Variants in KIAA1755 observed in about 807,000 individuals in gnomAD.
The protein encoded by KIAA1755 is uncharacterized protein KIAA1755.
KIAA1755 carries 68 observed loss-of-function variants against 91.7 expected under a neutral mutation model. The observed-to-expected ratio is 0.74, with a 90% CI of 0.61 to 0.91. The LOEUF is 0.91. Ranked by LOEUF, KIAA1755 falls within the 40% of genes least tolerant of loss-of-function variation. The pLI, the probability that KIAA1755 is intolerant of heterozygous loss-of-function variation, is 0.00. For missense variants in KIAA1755, 1,535 were observed against 1,494.4 expected, an observed-to-expected ratio of 1.03 and a Z score of -0.45; for synonymous variants, 610 against 604.6, an observed-to-expected ratio of 1.01 and a Z score of -0.13.
chr20:38,260,640 A>G lies in KIAA1755; in HGVS notation c.-140T>C, dbSNP rs751270349. 3.4e-4 allele frequency: 341 copies of G among 1,016,166 alleles called. 1 individual carries two copies. Among genetic ancestry groups the G allele is most frequent in the Non-Finnish European group, 4.2e-4 (323 of 767,286 alleles). 62.9% of individuals were successfully genotyped at this position (1,016,166 alleles called of 1,614,324 possible). A position where few individuals can be genotyped will look rare whatever the true frequency, so the allele number is the denominator to read the frequency against. On this transcript the variant is annotated 5_prime_UTR_variant, in exon 1 of 14. Transcript: ENST00000279024. ...GGGATAGGGCAGGCCCGGGGCACCG[A>G]CCCCGGCGTCATCTCGGAGGAGCGG...
intron 10 of KIAA1755, among the ~76,000 whole-genome samples, chr20:38,220,678 G>A (rs867976605): frequency 1.3e-5 from 2 of 152,148 alleles, no homozygotes; most frequent in Admixed American, 6.5e-5. Flanking sequence ...GAGAACCAGC[G>A]CTCATGCGTG....
chr20:38,249,317 C>T (rs1042193767), intron 1 of KIAA1755, among the ~76,000 whole-genome samples: 2 of 152,186 alleles, frequency 1.3e-5, no homozygotes, highest in Admixed American at 1.3e-4. Flanking sequence ...CCAGGTCCAC[C>T]TGTTGCCCAG....
intron 4 of KIAA1755, among the ~76,000 whole-genome samples, chr20:38,235,202 G>C (rs953588257): frequency 2.0e-5 from 3 of 152,200 alleles, no homozygotes; most frequent in Non-Finnish European, 2.9e-5. Flanking sequence ...GGATTTCAAA[G>C]ATCTATATGG....
At chr20:38,232,621 C>G (rs1203287657) in intron 4 of KIAA1755, among the ~76,000 whole-genome samples, 1 of 139,990 alleles carries the variant, frequency 7.1e-6, no homozygotes, top group African/African-American at 2.7e-5. Context: ...GAGTGAGACT[C>G]TGTCTCAGAA....
chr20:38,226,840 G>A (rs1171385699), intron 7 of KIAA1755, among the ~76,000 whole-genome samples: 1 of 152,174 alleles, frequency 6.6e-6, no homozygotes, highest in Non-Finnish European at 1.5e-5. Flanking sequence ...TGAAAACAAA[G>A]GGAGGAGGGA....
At chr20:38,239,840 C>T (rs2076023146) in intron 3 of KIAA1755, 115 bp from the exon 4 acceptor site, 2 of 985,896 alleles carry the variant, frequency 2.0e-6, no homozygotes, top group Admixed American at 4.1e-5. Flanking sequence ...ATTGATCTCT[C>T]CCATGTGCCA....
chr20:38,217,152 A>G, intron 13 of KIAA1755, 101 bp downstream of exon 13: 1 of 1,007,746 alleles, frequency 9.9e-7, no homozygotes, highest in Admixed American at 2.1e-5. Context: ...GGCGGTGTCT[A>G]TGCAGTCAGG....
intron 1 of KIAA1755, among the ~76,000 whole-genome samples, chr20:38,256,766 G>A (rs1600667891): frequency 2.0e-5 from 3 of 152,158 alleles, no homozygotes; most frequent in African/African-American, 7.2e-5. Context: ...TCATACCACT[G>A]TACTCCATCC....
At chr20:38,233,172 T>C (rs565906399) in intron 4 of KIAA1755, 1 of 152,302 alleles carries the variant, frequency 6.6e-6, no homozygotes, top group South Asian at 2.1e-4. Flanking sequence ...TTGTGATTAT[T>C]AGGGAACACA....
chr20:38,224,356 A>G (rs1390260102), intron 8 of KIAA1755, among the ~76,000 whole-genome samples: 1 of 152,182 alleles, frequency 6.6e-6, no homozygotes, highest in Non-Finnish European at 1.5e-5. Flanking sequence ...GGAAGCTAGG[A>G]CCCTGGGGGA....
At chr20:38,213,817 C>T in intron 13 of KIAA1755, 74 bp from the exon 14 acceptor site, 3 of 1,092,776 alleles carry the variant, frequency 2.7e-6, no homozygotes, top group Non-Finnish European at 3.8e-6. Context: ...TTAATAAGTG[C>T]CCAATGCCAG....
chr20:38,235,118 T>C (rs2084043887), intron 4 of KIAA1755, among the ~76,000 whole-genome samples: 1 of 152,026 alleles, frequency 6.6e-6, no homozygotes, highest in Admixed American at 6.5e-5. Context: ...AAAAGCATTT[T>C]TTCATATCAA....
chr20:38,229,049 G>A (rs976986013), intron 5 of KIAA1755, among the ~76,000 whole-genome samples: 1 of 152,154 alleles, frequency 6.6e-6, no homozygotes, highest in Admixed American at 6.5e-5. Context: ...GGTACAGGGT[G>A]GCCAGGGAAT....
At chr20:38,229,120 C>T (rs1197393178) in intron 5 of KIAA1755, among the ~76,000 whole-genome samples, 1 of 152,232 alleles carries the variant, frequency 6.6e-6, no homozygotes, top group African/African-American at 2.4e-5. Flanking sequence ...AAAATAGCCC[C>T]CAACTGCCCT....
At position 38,222,532 on chromosome 20, in the gene KIAA1755, T is replaced by C; in HGVS notation, c.2334A>G (p.Leu778=). 6.2e-7 allele frequency: 1 copy of C among 1,613,676 alleles called. No individual in the cohort carries two copies. Residue 778 remains leucine (L), a synonymous_variant, in exon 10 of 14, where the codon CTA becomes CTG. Coordinates refer to ENST00000279024, the MANE Select transcript of KIAA1755 (RefSeq NM_001029864.2). ...LMEAVLRDPG[L]LGLQREGGAT... is the part of the protein sequence containing the mutation. ...CTCCACCTTCCCGCTGGAGGCCCAG[T>C]AGGCCGGGGTCCCTCAGCACAGCCT...
chr20:38,245,150 A>G (rs2076133913), intron 2 of KIAA1755, among the ~76,000 whole-genome samples: 2 of 152,276 alleles, frequency 1.3e-5, no homozygotes, highest in Non-Finnish European at 2.9e-5. Flanking sequence ...TGGGCATATG[A>G]CCCAAGCCTG....
intron 4 of KIAA1755, among the ~76,000 whole-genome samples, chr20:38,232,102 C>T (rs1262621067): frequency 3.9e-5 from 6 of 152,122 alleles, no homozygotes; most frequent in East Asian, 1.9e-4. Flanking sequence ...ACACCTGTCT[C>T]GCAGCCTGGA....
intron 4 of KIAA1755, among the ~76,000 whole-genome samples, chr20:38,238,111 C>G (rs1485036404): frequency 6.6e-6 from 1 of 152,134 alleles, no homozygotes; most frequent in African/African-American, 2.4e-5. Flanking sequence ...CAAGGACACA[C>G]AGGGAGCTAA....
intron 11 of KIAA1755, among the ~76,000 whole-genome samples, chr20:38,219,156 G>A (rs1049988513): frequency 5.3e-5 from 8 of 152,076 alleles, no homozygotes; most frequent in East Asian, 1.9e-4. Context: ...GGAGTGTGCC[G>A]TGCCCCACAG....
Sources: gnomAD v4.1 joint callset for allele counts (sites outside exome capture counted in the v4.1 genomes callset) on GRCh38, gnomAD v4.1.1 for gene constraint, MANE v1.5 for transcripts, NCBI Gene and HGNC (gene_info 2026-07-23, HGNC 2026-07-21) for gene names.